Variants in OBI1 observed in about 807,000 individuals in gnomAD.
OBI1 encodes the protein ORC ubiquitin ligase 1.
A neutral mutation model predicts 62.4 loss-of-function variants in OBI1; 59 were observed. The observed-to-expected ratio is 0.95, with a 90% CI of 0.77 to 1.17. The LOEUF is 1.17. Among genes scored for constraint, OBI1 ranks in the 50% most tolerant of loss-of-function variants. OBI1 has a pLI of 0.00. For missense variants in OBI1, 875 were observed against 830.9 expected (o/e 1.05, Z -0.65); for synonymous variants, 302 against 292.8 (o/e 1.03, Z -0.32).
At chr13:78,648,015 G>C (rs1876435180) in intron 1 of OBI1, among the ~76,000 whole-genome samples, 1 of 151,746 alleles carries the variant, frequency 6.6e-6, no homozygotes, top group Admixed American at 6.6e-5. Flanking sequence ...GTGTTTCAAA[G>C]TCTTCTTCCA....
At chr13:78,641,215 C>T (rs1273668904) in intron 3 of OBI1, among the ~76,000 whole-genome samples, 1 of 152,138 alleles carries the variant, frequency 6.6e-6, no homozygotes, top group Non-Finnish European at 1.5e-5. Flanking sequence ...TATAAAAATA[C>T]ATTTTAGCAT....
intron 5 of OBI1, among the ~76,000 whole-genome samples, chr13:78,626,854 CAGG>C (rs1875683642): frequency 6.6e-6 from 1 of 152,170 alleles, no homozygotes; most frequent in Non-Finnish European, 1.5e-5. Flanking sequence ...ATCATGAGGT[CAGG>C]AGATCGAGAC....
At chr13:78,635,322 G>T in intron 4 of OBI1, 124 bp from the exon 5 acceptor site, 1 of 620,136 alleles carries the variant, frequency 1.6e-6, no homozygotes, top group Non-Finnish European at 2.9e-6. Flanking sequence ...GTAGAACATG[G>T]CCTTCAGAAA....
At chr13:78,643,889 T>C (rs1238513526) in intron 2 of OBI1, among the ~76,000 whole-genome samples, 3 of 152,258 alleles carry the variant, frequency 2.0e-5, no homozygotes, top group Non-Finnish European at 4.4e-5. Context: ...TGGCTAATTG[T>C]AGATTCACTT....
chr13:78,642,043 G>A (rs9601108), intron 3 of OBI1, 79 bp downstream of exon 3: 234,191 of 645,438 alleles, frequency 0.36, 44,389 homozygotes, highest in African/African-American at 0.39. Flanking sequence ...TTTACTCTAA[G>A]AAGTCTGGGG....
At position 78,659,130 on chromosome 13, in the gene OBI1, C is replaced by G. The variant is rs1462782879; in HGVS notation, c.-10G>C. On this transcript the variant is annotated 5_prime_UTR_variant, in exon 1 of 6. Transcript: ENST00000282003. ...GCACGGTCTGAGCCATGGCAGCGTT[C>G]AGAATCCCGCCAACACGGAAGTCCC... 1 of 1,608,514 alleles carries G rather than the reference C, an allele frequency of 6.2e-7. No individual in the cohort carries two copies. Among genetic ancestry groups the G allele is most frequent in the Admixed American group, 1.7e-5 (1 of 59,404 alleles).
At chr13:78,639,156 A>C (rs1230200569) in intron 3 of OBI1, 85 bp from the exon 4 acceptor site, 12 of 1,378,146 alleles carry the variant, frequency 8.7e-6, no homozygotes, top group African/African-American at 1.5e-5. Context: ...ACATGGTTTG[A>C]ATTTTGTACT....
chr13:78,658,148 C>A (rs1876764759), intron 1 of OBI1, among the ~76,000 whole-genome samples: 1 of 152,164 alleles, frequency 6.6e-6, no homozygotes, highest in Non-Finnish European at 1.5e-5. Flanking sequence ...TCTGAGTCTA[C>A]GGCTCAGTCT....
chr13:78,636,729 A>G (rs1876041524), intron 4 of OBI1, among the ~76,000 whole-genome samples: 1 of 152,224 alleles, frequency 6.6e-6, no homozygotes, highest in African/African-American at 2.4e-5. Flanking sequence ...CTGAAGATAT[A>G]AGGAAAGCCA....
rs142595923 is a variant in OBI1, at chr13:78,618,106, A to G, written c.639-984T>C. Among the ~76,000 whole-genome samples, 285 of 152,280 alleles carry G rather than the reference A, an allele frequency of 1.9e-3. 1 individual carries two copies. The highest frequency in any genetic ancestry group is 6.5e-3 in the African/African-American group (270 of 41,570). On this transcript the variant is annotated intron_variant, in intron 5 of 5. Transcript: ENST00000282003. ...AAATATCTACCTTAAATTCAATCTT[A>G]TCACCAAAAATAAATTCTATCTTTC...
rs1229067961 is a variant in OBI1 at position 78,642,205 on chromosome 13, T to C, written c.217A>G (p.Ser73Gly). The C allele has an allele frequency of 6.3e-7, 1 of 1,599,252 alleles. No homozygotes were observed. Among genetic ancestry groups the C allele is most frequent in the African/African-American group, 1.3e-5 (1 of 74,642 alleles). The stretch of plus-strand genomic sequence containing the variant: ...TGGCTTAGCATAGGTTCACTTTCAC[T>C]TGTTCCTCCTGTAGGGAAAAAAAAA... ...NPCKEIIGGT[S>G]ESEPMLSHTV... Residue 73 changes from serine (S) to glycine (G), a missense_variant, in exon 3 of 6, where the codon AGT becomes GGT. By Grantham distance (56) the Ser-to-Gly change is moderately conservative (BLOSUM62 0). Transcript: ENST00000282003.
Position 78,615,817 on chromosome 13 carries a change from T to C in OBI1, c.1944A>G (p.Thr648=), listed in dbSNP as rs762794710. The C allele has an allele frequency of 5.1e-5, 82 of 1,613,790 alleles. No homozygotes were observed. The highest frequency in any genetic ancestry group is 3.3e-4 in the Middle Eastern group (2 of 6,084). The part of the protein sequence containing the change: ...EIKPPSCLFQ[T]EFSQGILLSS... ...TTAACAAAATGCCCTGGGAAAACTCTGTCTGAAACAAGCAGCTTGGGGGTT... is the reference window on the plus strand; with the variant it reads ...TTAACAAAATGCCCTGGGAAAACTCCGTCTGAAACAAGCAGCTTGGGGGTT... The change falls in exon 6 of 6, where the codon ACA becomes ACG. Residue 648 remains threonine, a synonymous_variant. Coordinates refer to ENST00000282003, the MANE Select transcript of OBI1 (RefSeq NM_024546.4).
chr13:78,642,313 A>G, intron 2 of OBI1, 100 bp from the exon 3 acceptor site: 1 of 739,166 alleles, frequency 1.4e-6, no homozygotes, highest in Non-Finnish European at 2.3e-6. Context: ...CCAGCTTCAC[A>G]TCTACCCTTC....
chr13:78,616,105 C>T lies in OBI1; in HGVS notation c.1656G>A (p.Lys552=). The T allele has an allele frequency of 6.2e-7, 1 of 1,614,138 alleles. No homozygotes were observed. Among genetic ancestry groups the T allele is most frequent in the South Asian group, 1.1e-5 (1 of 91,074 alleles). ...DSMMSESDNS[K]SPCNNGFKSL... ...ACTTAAAACCGTTATTACAAGGGCT[C>T]TTGCTGTTGTCTGACTCTGACATCA... The change falls in exon 6 of 6, where the codon AAG becomes AAA. Residue 552 remains lysine, a synonymous_variant. Transcript: ENST00000282003.
chr13:78,622,059 GC>G, intron 5 of OBI1, among the ~76,000 whole-genome samples: 1 of 152,212 alleles, frequency 6.6e-6, no homozygotes, highest in Non-Finnish European at 1.5e-5. Context: ...TACTGTTCTT[GC>G]CTATCCATAT....
At chr13:78,620,617 A>G (rs944876425) in intron 5 of OBI1, 2 of 192,072 alleles carry the variant, frequency 1.0e-5, no homozygotes, top group Non-Finnish European at 2.2e-5. Flanking sequence ...ATTCTGGATG[A>G]GAGAGAAAAG....
At chr13:78,656,321 C>A (rs1876698613) in intron 1 of OBI1, among the ~76,000 whole-genome samples, 1 of 152,046 alleles carries the variant, frequency 6.6e-6, no homozygotes, top group Non-Finnish European at 1.5e-5. Context: ...TGGTGGCTCA[C>A]GCTTGTAATC....
intron 3 of OBI1, among the ~76,000 whole-genome samples, chr13:78,641,243 GTAC>G (rs1177244811): frequency 6.6e-6 from 1 of 152,132 alleles, no homozygotes; most frequent in African/African-American, 2.4e-5. Context: ...CACACAGATA[GTAC>G]TACTTACTAT....
At chr13:78,632,076 C>T (rs1331778881) in intron 5 of OBI1, among the ~76,000 whole-genome samples, 4 of 152,022 alleles carry the variant, frequency 2.6e-5, no homozygotes, top group African/African-American at 9.7e-5. Flanking sequence ...TGTCCTCACC[C>T]TCCCCTCCAA....
Sources: gnomAD v4.1 joint callset for allele counts (sites outside exome capture counted in the v4.1 genomes callset) on GRCh38, gnomAD v4.1.1 for gene constraint, MANE v1.5 for transcripts, NCBI Gene and HGNC (gene_info 2026-07-23, HGNC 2026-07-21) for gene names.